CENPS: variants seen among roughly 807,000 people sequenced by gnomAD.
CENPS encodes the protein FANCM associated histone fold protein 1.
In CENPS, 16 loss-of-function variants were observed where a neutral mutation model predicts 17.9. The observed-to-expected ratio is 0.90, with a 90% CI of 0.61 to 1.36. The LOEUF (loss-of-function observed/expected upper bound fraction) is 1.36, where lower values mean the gene tolerates loss of function less well. Ranked by LOEUF, CENPS falls within the 40% of genes most tolerant of loss-of-function variation. CENPS has a pLI of 0.00. For missense variants in CENPS, 160 were observed against 158.6 expected, an observed-to-expected ratio of 1.01 and a Z score of -0.05; for synonymous variants, 49 against 55.8, an observed-to-expected ratio of 0.88 and a Z score of 0.54.
intron 3 of CENPS, 66 bp downstream of exon 3, chr1:10,434,756 G>A (rs1409260330): frequency 1.3e-6 from 2 of 1,535,886 alleles, no homozygotes; most frequent in Non-Finnish European, 1.7e-6. Context: ...TCCATCTGGT[G>A]GGTTATTTCA....
chr1:10,434,412 A>G (rs1248696613), intron 2 of CENPS, among the ~76,000 whole-genome samples: 1 of 152,214 alleles, frequency 6.6e-6, no homozygotes, highest in Non-Finnish European at 1.5e-5. Flanking sequence ...CATAGTCACA[A>G]TTAACGGAAG....
intron 1 of CENPS, among the ~76,000 whole-genome samples, chr1:10,431,951 A>T (rs1159699628): frequency 6.6e-6 from 1 of 151,706 alleles, no homozygotes; most frequent in Non-Finnish European, 1.5e-5. Flanking sequence ...ACTCTATTGA[A>T]TGTGCATTGT....
intron 4 of CENPS, among the ~76,000 whole-genome samples, chr1:10,441,411 C>T (rs556470466): frequency 1.5e-4 from 22 of 147,608 alleles, no homozygotes; most frequent in Admixed American, 4.1e-4. Context: ...GTCTCCTGGG[C>T]TCCAGTGATA....
intron 3 of CENPS, among the ~76,000 whole-genome samples, chr1:10,439,223 T>C (rs528070302): frequency 6.6e-6 from 1 of 152,370 alleles, no homozygotes; most frequent in East Asian, 1.9e-4. Context: ...ACTCACCATG[T>C]GTGCTGGCCA....
chr1:10,437,658 T>C (rs1251277550), intron 3 of CENPS, among the ~76,000 whole-genome samples: 1 of 151,770 alleles, frequency 6.6e-6, no homozygotes, highest in Non-Finnish European at 1.5e-5. Flanking sequence ...GGTTTCACCA[T>C]GTTGGCCAGG....
chr1:10,438,910 C>T (rs920430076), intron 3 of CENPS, among the ~76,000 whole-genome samples: 1 of 152,344 alleles, frequency 6.6e-6, no homozygotes, highest in Non-Finnish European at 1.5e-5. Context: ...CTAGGCCACC[C>T]TGTCCATGTG....
Position 10,431,108 on chromosome 1 carries a change from T to G in CENPS, c.51+540T>G, listed in dbSNP as rs560364356. 24 of 1,410,998 alleles carry G rather than the reference T, an allele frequency of 1.7e-5. No individual in the cohort carries two copies. The African/African-American group carries it at 3.5e-4, about 20-fold the overall frequency. 87.4% of individuals were successfully genotyped at this position (1,410,998 alleles called of 1,614,324 possible). On this transcript the variant is annotated intron_variant, in intron 1 of 4. Coordinates refer to ENST00000309048, the MANE Select transcript of CENPS (RefSeq NM_199294.3). ...TATCGACTCGGCCCAGACGCAATTTTCTTCTCTGCAAAATCGTCATAAGAA... is the reference window on the plus strand; with the variant it reads ...TATCGACTCGGCCCAGACGCAATTTGCTTCTCTGCAAAATCGTCATAAGAA...
At chr1:10,431,097 A>G in intron 1 of CENPS, 2 of 1,401,706 alleles carry the variant, frequency 1.4e-6, no homozygotes, top group Non-Finnish European at 1.9e-6. Flanking sequence ...GACTCGGCCC[A>G]GACGCAATTT....
At chr1:10,435,446 G>C (rs1392022890) in intron 3 of CENPS, among the ~76,000 whole-genome samples, 5 of 151,722 alleles carry the variant, frequency 3.3e-5, no homozygotes, top group Non-Finnish European at 7.4e-5. Flanking sequence ...AAAGCAGTGG[G>C]TTCTCGGAGG....
chr1:10,440,728 T>C (rs1298224747), intron 4 of CENPS, among the ~76,000 whole-genome samples: 1 of 152,226 alleles, frequency 6.6e-6, no homozygotes, highest in African/African-American at 2.4e-5. Flanking sequence ...TCTGCAGGGA[T>C]AGTTTTGTTA....
intron 3 of CENPS, among the ~76,000 whole-genome samples, chr1:10,436,247 G>T (rs886891804): frequency 6.6e-6 from 1 of 151,592 alleles, no homozygotes; most frequent in Non-Finnish European, 1.5e-5. Flanking sequence ...CAAAGTGCTA[G>T]GATTACAGGC....
Position 10,434,639 on chromosome 1 carries a change from C to CT in CENPS, c.176-10dup. On this transcript the variant is annotated splice_polypyrimidine_tract_variant and intron_variant, in intron 2 of 4. Coordinates refer to ENST00000309048, the MANE Select transcript of CENPS (RefSeq NM_199294.3). The stretch of plus-strand genomic sequence containing the variant: ...ATGGGAGGGTGCCTAAAGTGTGTAT[C>CT]TTTTTTTTCTCTTTCAGAAAATTTT... 13 of 1,601,574 alleles carry CT rather than the reference C, an allele frequency of 8.1e-6. No individual in the cohort carries two copies. The highest frequency in any genetic ancestry group is 5.4e-5 in the Admixed American group (3 of 55,552).
chr1:10,440,824 T>TC (rs1640374519), intron 4 of CENPS, among the ~76,000 whole-genome samples: 2 of 152,234 alleles, frequency 1.3e-5, no homozygotes, highest in African/African-American at 4.8e-5. Context: ...TTCCATATTT[T>TC]CAAGTCTAGA....
In CENPS at chr1:10,430,435, G is replaced by A; in HGVS notation, c.-83G>A. 4 of 1,515,000 alleles carry A rather than the reference G, an allele frequency of 2.6e-6. No homozygotes were observed. Among genetic ancestry groups the A allele is most frequent in the East Asian group, 2.7e-5 (1 of 36,476 alleles). The allele number at this position is 1,515,000 out of a possible 1,614,324, so 93.8% of individuals were successfully genotyped here. A position where few individuals can be genotyped will look rare whatever the true frequency, so the allele number is the denominator to read the frequency against. On this transcript the variant is annotated 5_prime_UTR_variant, in exon 1 of 5. Transcript: ENST00000309048. Reference sequence around the variant, plus strand: ...TCCGCCCGCGCGGCCCGTCGCTCGCGCCGCGGCGGGAAAATCCGACCTGGC... The same window carrying A: ...TCCGCCCGCGCGGCCCGTCGCTCGCACCGCGGCGGGAAAATCCGACCTGGC...
At chr1:10,432,221 G>A (rs1419307987) in intron 1 of CENPS, among the ~76,000 whole-genome samples, 1 of 152,088 alleles carries the variant, frequency 6.6e-6, no homozygotes, top group African/African-American at 2.4e-5. Context: ...CTGAGCAGCT[G>A]GGATTACAGG....
At chr1:10,440,612 A>T (rs569351297) in intron 4 of CENPS, among the ~76,000 whole-genome samples, 199 bp downstream of exon 4, 1 of 152,192 alleles carries the variant, frequency 6.6e-6, no homozygotes, top group Non-Finnish European at 1.5e-5. Flanking sequence ...GAAATTTTCT[A>T]ATCAGCACTC....
chr1:10,431,297 C>T, intron 1 of CENPS: 1 of 1,535,208 alleles, frequency 6.5e-7, no homozygotes, highest in African/African-American at 1.4e-5. Context: ...GGAATGAGCT[C>T]CAGACGCGGG....
intron 1 of CENPS, chr1:10,431,519 C>A: frequency 1.6e-6 from 2 of 1,253,444 alleles, no homozygotes; most frequent in Non-Finnish European, 2.2e-6. Flanking sequence ...GATATTTTGA[C>A]ACTTCGCCTT....
intron 4 of CENPS, among the ~76,000 whole-genome samples, chr1:10,441,499 A>G (rs1640408456): frequency 6.6e-6 from 1 of 151,162 alleles, no homozygotes; most frequent in South Asian, 2.1e-4. Context: ...TGTTTTGTAG[A>G]GACGGGGTTT....
Sources: allele counts gnomAD v4.1 joint callset (sites outside exome capture counted in the v4.1 genomes callset), GRCh38; gene constraint gnomAD v4.1.1; transcripts MANE v1.5; gene names NCBI Gene and HGNC (gene_info 2026-07-23, HGNC 2026-07-21).